The following STK24 variants were observed in gnomAD, a reference collection of about 807,000 sequenced individuals.
The protein encoded by STK24 is serine/threonine-protein kinase 24.
STK24 carries 21 observed loss-of-function variants against 55.6 expected under a neutral mutation model. That is an observed-to-expected ratio of 0.38 (90% CI 0.27 to 0.54). STK24 has a LOEUF of 0.54. Ranked by LOEUF, STK24 falls within the 20% of genes least tolerant of loss-of-function variation. The pLI is 0.79. For synonymous variants in STK24, 200 were observed against 215.2 expected (o/e 0.93, Z 0.62); for missense variants, 383 against 538.4 (o/e 0.71, Z 2.86).
At chr13:98,576,056 TCCAGGGTCCCGGGGCCGGG>T in intron 1 of STK24, 14 of 985,016 alleles carry the variant, frequency 1.4e-5, no homozygotes, top group Non-Finnish European at 1.7e-5. Flanking sequence ...AAAGTGAAAG[TCCAGGGTCCCGGGGCCGGG>T]CCCGGGACCC....
chr13:98,476,368 C>G (rs72655609), intron 3 of STK24, among the ~76,000 whole-genome samples: 34,570 of 152,012 alleles, frequency 0.23, 4,270 homozygotes, highest in Non-Finnish European at 0.28. Flanking sequence ...GATGTCTAAT[C>G]GATGCAGGTA....
At position 98,448,216 on chromosome 13, in the gene STK24, C is replaced by G. The variant is rs114282870; in HGVS notation, c.*4957G>C. ...TCCGTCCAAACAAAAGGTTGACTAA[C>G]TGGCGTTCCCGTGTTGCAGGTGGAT... On this transcript the variant is annotated 3_prime_UTR_variant, in exon 11 of 11. Transcript: ENST00000539966. 1.2e-6 allele frequency: 2 copies of G among 1,607,368 alleles called. No individual in the cohort carries two copies. The highest frequency in any genetic ancestry group is 1.7e-5 in the Admixed American group (1 of 60,018).
intron 5 of STK24, among the ~76,000 whole-genome samples, chr13:98,468,787 G>C (rs1359567590): frequency 1.3e-5 from 2 of 152,174 alleles, no homozygotes; most frequent in African/African-American, 4.8e-5. Flanking sequence ...AATCAAATCC[G>C]GGTAGCTGGG....
intron 5 of STK24, among the ~76,000 whole-genome samples, chr13:98,467,147 G>A (rs1320971345): frequency 6.6e-6 from 1 of 152,088 alleles, no homozygotes; most frequent in African/African-American, 2.4e-5. Context: ...AGTTTATTAT[G>A]AAAATGTTCA....
intron 1 of STK24, among the ~76,000 whole-genome samples, chr13:98,537,032 A>T (rs1266495591): frequency 1.3e-5 from 2 of 152,204 alleles, no homozygotes; most frequent in Non-Finnish European, 2.9e-5. Flanking sequence ...GCCGCCTCCA[A>T]AGATGAGAAG....
At chr13:98,517,594 C>T (rs1475510816) in intron 2 of STK24, among the ~76,000 whole-genome samples, 1 of 152,192 alleles carries the variant, frequency 6.6e-6, no homozygotes, top group African/African-American at 2.4e-5. Flanking sequence ...CGCCCCACTA[C>T]ACTCCAGTCT....
At chr13:98,498,988 C>A (rs1362771157) in intron 2 of STK24, among the ~76,000 whole-genome samples, 1 of 151,668 alleles carries the variant, frequency 6.6e-6, no homozygotes, top group African/African-American at 2.4e-5. Context: ...GTGGCTCATG[C>A]CTATAATCAG....
intron 10 of STK24, 92 bp downstream of exon 10, chr13:98,457,076 A>C: frequency 4.1e-6 from 6 of 1,455,840 alleles, no homozygotes; most frequent in Non-Finnish European, 5.5e-6. Context: ...AGGAACAGAC[A>C]GGCCAAGAAT....
At chr13:98,485,447 C>CAAGT (rs78472595) in intron 2 of STK24, among the ~76,000 whole-genome samples, 38,676 of 151,910 alleles carry the variant, frequency 0.25, 5,959 homozygotes, top group East Asian at 0.42. Context: ...GCTGATCCAT[C>CAAGT]AAGTGCAGGG....
At chr13:98,469,821 A>G (rs1452201625) in intron 5 of STK24, among the ~76,000 whole-genome samples, 2 of 152,178 alleles carry the variant, frequency 1.3e-5, no homozygotes, top group African/African-American at 4.8e-5. Flanking sequence ...ACTATGAGTA[A>G]TTTGGAATCC....
intron 1 of STK24, among the ~76,000 whole-genome samples, chr13:98,555,448 G>A (rs1259918545): frequency 6.6e-6 from 1 of 151,658 alleles, no homozygotes; most frequent in Non-Finnish European, 1.5e-5. Context: ...GCATGGTGGC[G>A]GGCGCCTGTA....
intron 1 of STK24, among the ~76,000 whole-genome samples, chr13:98,533,643 C>T (rs1426285113): frequency 6.6e-6 from 1 of 151,982 alleles, no homozygotes; most frequent in Non-Finnish European, 1.5e-5. Flanking sequence ...AAATGAGAAC[C>T]CCCATCTCTA....
chr13:98,477,897 C>T (rs1894438597), intron 3 of STK24, among the ~76,000 whole-genome samples: 1 of 152,152 alleles, frequency 6.6e-6, no homozygotes, highest in Non-Finnish European at 1.5e-5. Context: ...AAATCCTCCC[C>T]TGGATAATTA....
Position 98,475,366 on chromosome 13 carries a change from GA to G in STK24, c.331-9del. The G allele has an allele frequency of 3.8e-6, 6 of 1,570,890 alleles. No individual in the cohort carries two copies. Among genetic ancestry groups the G allele is most frequent in the Non-Finnish European group, 5.2e-6 (6 of 1,158,746 alleles). ...TAATGGGCCAGGTTCTAACTAAGAA[GA>G]GAAAAAAATTCTTAAAGTTACTTAA... On this transcript the variant is annotated splice_polypyrimidine_tract_variant and intron_variant, in intron 3 of 10. Coordinates refer to ENST00000539966, the MANE Select transcript of STK24 (RefSeq NM_001032296.4).
intron 1 of STK24, among the ~76,000 whole-genome samples, chr13:98,537,449 G>T (rs1896766525): frequency 6.6e-6 from 1 of 152,212 alleles, no homozygotes; most frequent in East Asian, 1.9e-4. Flanking sequence ...AAACAAGTGA[G>T]GCGAGTGCAG....
intron 2 of STK24, among the ~76,000 whole-genome samples, chr13:98,508,432 G>C (rs1895769703): frequency 6.6e-6 from 1 of 152,226 alleles, no homozygotes; most frequent in Admixed American, 6.5e-5. Flanking sequence ...AACAGCAAGA[G>C]TATTTGCCTA....
rs1180369965 is a variant in STK24, at chr13:98,477,829, G to A, written c.331-2471C>T. Among the ~76,000 whole-genome samples the A allele has an allele frequency of 5.3e-5, 8 of 152,228 alleles. No homozygotes were observed. The South Asian group carries it at 1.0e-3, about 20-fold the overall frequency. ...CAAGTCTCCCAAAAGCAACGGCAGA[G>A]CGGCCTGCTGTCATTCCCAAAGGGC... On this transcript the variant is annotated intron_variant, in intron 3 of 10. Coordinates refer to ENST00000539966, the MANE Select transcript of STK24 (RefSeq NM_001032296.4).
chr13:98,562,730 G>A (rs1242638433), intron 1 of STK24, among the ~76,000 whole-genome samples: 2 of 151,646 alleles, frequency 1.3e-5, no homozygotes, highest in Non-Finnish European at 2.9e-5. Context: ...CCTGGCTAGC[G>A]CGGTGAAACC....
rs114871109 is a variant in STK24 at position 98,554,628 on chromosome 13, C to A, written c.42+22117G>T. Among the ~76,000 whole-genome samples the A allele has an allele frequency of 3.4e-3, 522 of 152,280 alleles. 2 individuals are homozygous for A. The highest frequency in any genetic ancestry group is 0.012 in the African/African-American group (494 of 41,550). On this transcript the variant is annotated intron_variant, in intron 1 of 10. Transcript: ENST00000539966. ...TTGCTTGAGGCCAAAAGGTGAAGAC[C>A]AGCCTGAGCAAGGTAAGACTCCACC...
Sources: gnomAD v4.1 joint callset for allele counts (sites outside exome capture counted in the v4.1 genomes callset) on GRCh38, gnomAD v4.1.1 for gene constraint, MANE v1.5 for transcripts, NCBI Gene and HGNC (gene_info 2026-07-23, HGNC 2026-07-21) for gene names.